The following ICE2 variants were observed in gnomAD, a reference collection of about 807,000 sequenced individuals.
ICE2 encodes the protein little elongation complex subunit 2.
ICE2 carries 87 observed loss-of-function variants against 105.4 expected under a neutral mutation model. That is an observed-to-expected ratio of 0.83 (90% CI 0.69 to 0.99). The LOEUF is 0.99. Among genes scored for constraint, ICE2 ranks in the 50% least tolerant of loss-of-function variants. The probability of loss-of-function intolerance (pLI) is 0.00; values close to 1 mark genes in which losing one functional copy is unlikely to be tolerated. For synonymous variants in ICE2, 399 were observed against 392.0 expected, an observed-to-expected ratio of 1.02 and a Z score of -0.21; for missense variants, 1,323 against 1,146.7, an observed-to-expected ratio of 1.15 and a Z score of -2.22.
chr15:60,456,716 C>A lies in ICE2; in HGVS notation c.607G>T (p.Gly203Ter), dbSNP rs753544533. 2 of 1,594,722 alleles carry A rather than the reference C, an allele frequency of 1.3e-6. No individual in the cohort carries two copies. Among genetic ancestry groups the A allele is most frequent in the Non-Finnish European group, 1.7e-6 (2 of 1,170,026 alleles). Reference protein sequence around the residue: ...YTLHEVTSLMGFFPFRVEMGL... With the variant: ...YTLHEVTSLM ...ATCTCTACTCTGAATGGGAAGAATC[C>A]CATTAAGCTGGTGACCTCGTGGAGA... is the stretch of plus-strand genomic sequence containing the variant. The change falls in exon 6 of 16, where the codon GGA becomes TGA. Residue 203 changes from glycine to a stop codon, truncating the protein, a stop_gained. Coordinates refer to ENST00000261520, the MANE Select transcript of ICE2 (RefSeq NM_024611.6). LOFTEE classifies it high-confidence loss of function.
chr15:60,444,943 CA>C lies in ICE2; in HGVS notation c.2296-2399del, dbSNP rs112692728. ...CAGCTGATCTACCTGCCTTGGCCTC[CA>C]AAAGAGTTGGGATTACAGGCGTGAG... On this transcript the variant is annotated intron_variant, in intron 11 of 15. Transcript: ENST00000261520. Among the ~76,000 whole-genome samples, 5 of 152,290 alleles carry C rather than the reference CA, an allele frequency of 3.3e-5. No individual in the cohort carries two copies. In the East Asian group the frequency reaches 5.8e-4, roughly 18 times the overall value.
At chr15:60,459,419 T>G (rs2064212786) in intron 5 of ICE2, among the ~76,000 whole-genome samples, 1 of 152,160 alleles carries the variant, frequency 6.6e-6, no homozygotes, top group Non-Finnish European at 1.5e-5. Flanking sequence ...TGAAATACAA[T>G]GATCTTACTA....
chr15:60,436,574 G>A (rs1222827433), intron 12 of ICE2, among the ~76,000 whole-genome samples: 2 of 151,674 alleles, frequency 1.3e-5, no homozygotes, highest in Non-Finnish European at 2.9e-5. Flanking sequence ...AATTAGCCAG[G>A]CGTAGTGGCG....
At chr15:60,458,373 A>G (rs2064184236) in intron 5 of ICE2, among the ~76,000 whole-genome samples, 1 of 152,144 alleles carries the variant, frequency 6.6e-6, no homozygotes. Flanking sequence ...TACAATACAG[A>G]TCTATCATTA....
intron 5 of ICE2, among the ~76,000 whole-genome samples, chr15:60,464,161 ATG>A (rs1181799738): frequency 6.6e-6 from 1 of 152,210 alleles, no homozygotes; most frequent in Non-Finnish European, 1.5e-5. Context: ...CTTGGAGAAA[ATG>A]TGCTGCCACA....
Position 60,479,014 on chromosome 15 carries a change from C to G in ICE2, c.-104G>C, listed in dbSNP as rs1414871234. 2.2e-6 allele frequency: 1 copy of G among 456,020 alleles called. No homozygotes were observed. 28.2% of individuals were successfully genotyped at this position (456,020 alleles called of 1,614,324 possible). A position where few individuals can be genotyped will look rare whatever the true frequency, so the allele number is the denominator to read the frequency against. ...GCCTTTCCGCCCACCTCATGGTCCG[C>G]GGCGGCTCTTGCCCAGGCCGCAGCC... On this transcript the variant is annotated 5_prime_UTR_variant, in exon 1 of 16. Coordinates refer to ENST00000261520, the MANE Select transcript of ICE2 (RefSeq NM_024611.6).
chr15:60,469,634 A>C (rs548453362), intron 3 of ICE2, among the ~76,000 whole-genome samples: 1 of 152,160 alleles, frequency 6.6e-6, no homozygotes, highest in African/African-American at 2.4e-5. Flanking sequence ...AAGTATAACT[A>C]TTTCAAAACA....
chr15:60,466,926 T>C (rs2064447002), intron 4 of ICE2, among the ~76,000 whole-genome samples: 1 of 152,212 alleles, frequency 6.6e-6, no homozygotes, highest in Non-Finnish European at 1.5e-5. Flanking sequence ...ACTAAGACTA[T>C]ACAATACATG....
chr15:60,469,615 T>G (rs2064532564), intron 3 of ICE2, among the ~76,000 whole-genome samples: 1 of 152,218 alleles, frequency 6.6e-6, no homozygotes, highest in Non-Finnish European at 1.5e-5. Flanking sequence ...TATTCATCTT[T>G]CAAAGATCAA....
intron 3 of ICE2, among the ~76,000 whole-genome samples, chr15:60,474,129 C>G (rs1337100715): frequency 6.6e-6 from 1 of 152,030 alleles, no homozygotes; most frequent in African/African-American, 2.4e-5. Flanking sequence ...AGACTCAGGC[C>G]TCAAGTCATC....
At chr15:60,433,753 A>G (rs1317596300) in intron 13 of ICE2, among the ~76,000 whole-genome samples, 1 of 151,976 alleles carries the variant, frequency 6.6e-6, no homozygotes, top group Non-Finnish European at 1.5e-5. Context: ...AGCCTCCCAA[A>G]GTGTGGGGAT....
At chr15:60,426,086 G>C (rs1323205040) in intron 15 of ICE2, among the ~76,000 whole-genome samples, 2 of 152,180 alleles carry the variant, frequency 1.3e-5, no homozygotes, top group Non-Finnish European at 2.9e-5. Flanking sequence ...AGCACACTCC[G>C]TGATACACAT....
At position 60,455,050 on chromosome 15, in the gene ICE2, T is replaced by A. The variant is rs763611993; in HGVS notation, c.896A>T (p.Lys299Met). The change falls in exon 8 of 16, where the codon AAG becomes ATG. Residue 299 changes from lysine to methionine, a missense_variant. By Grantham distance (95) the Lys-to-Met change is moderately conservative. Transcript: ENST00000261520. ...TLLNNHGPTYKEQWEIPVCIQ... is the reference protein window; with the variant it reads ...TLLNNHGPTYMEQWEIPVCIQ... ...ACACACTGGAATTTCCCACTGTTCC[T>A]TGTACGTTGGTCCATGATTATTTAA... is the stretch of plus-strand genomic sequence containing the variant. 1.3e-6 allele frequency: 2 copies of A among 1,595,016 alleles called. No individual in the cohort carries two copies. Among genetic ancestry groups the A allele is most frequent in the Admixed American group, 3.6e-5 (2 of 54,836 alleles).
chr15:60,442,286 C>T (rs988100041), intron 12 of ICE2, 130 bp downstream of exon 12: 2 of 837,170 alleles, frequency 2.4e-6, no homozygotes, highest in Non-Finnish European at 3.6e-6. Flanking sequence ...GAATGAGACC[C>T]TAAAACTAAT....
intron 11 of ICE2, chr15:60,445,635 G>C: frequency 1.0e-6 from 1 of 982,272 alleles, no homozygotes; most frequent in Non-Finnish European, 1.2e-6. Flanking sequence ...TCTTCTATAA[G>C]GTTATGTCTT....
intron 3 of ICE2, among the ~76,000 whole-genome samples, chr15:60,475,771 C>A (rs1050365966): frequency 5.3e-5 from 8 of 151,896 alleles, no homozygotes; most frequent in Admixed American, 2.0e-4. Context: ...TGGTACCATA[C>A]TAAAACATTT....
chr15:60,475,050 A>G (rs534707463), intron 3 of ICE2, among the ~76,000 whole-genome samples: 1 of 152,362 alleles, frequency 6.6e-6, no homozygotes, highest in African/African-American at 2.4e-5. Flanking sequence ...GACAGAAAAG[A>G]TAACTGAGAA....
Position 60,449,334 on chromosome 15 carries a change from G to C in ICE2, c.1633C>G (p.Leu545Val). ...TCCTTTGAGTTGTCTAGGTTTTCTA[G>C]AACATTAGGTCTTTCACCATCAGCA... ...LHADGERPNV[L>V]ENLDNSKEKT... is the part of the protein sequence containing the mutation. Residue 545 changes from leucine (L) to valine (V), a missense_variant, in exon 10 of 16, where the codon CTA (leucine) becomes GTA (valine). Leu to Val is a conservative substitution (Grantham distance 32). Transcript: ENST00000261520. 6.2e-7 allele frequency: 1 copy of C among 1,613,044 alleles called. No individual in the cohort carries two copies. Among genetic ancestry groups the C allele is most frequent in the Non-Finnish European group, 8.5e-7 (1 of 1,179,966 alleles).
chr15:60,454,930 C>A, intron 8 of ICE2, 73 bp downstream of exon 8: 2 of 1,335,652 alleles, frequency 1.5e-6, no homozygotes, highest in East Asian at 2.5e-5. Context: ...TGTTCAACTC[C>A]TATTTATGAG....
Sources: allele counts gnomAD v4.1 joint callset (sites outside exome capture counted in the v4.1 genomes callset), GRCh38; gene constraint gnomAD v4.1.1; transcripts MANE v1.5; gene names NCBI Gene and HGNC (gene_info 2026-07-23, HGNC 2026-07-21).